COP1: variants seen among roughly 807,000 people sequenced by gnomAD.
COP1 encodes the protein E3 ubiquitin-protein ligase COP1.
In COP1, 24 loss-of-function variants were observed where a neutral mutation model predicts 101.3. The observed-to-expected ratio is 0.24, with a 90% CI of 0.17 to 0.33. COP1 has a LOEUF of 0.33. COP1 is among the 10% of genes least tolerant of loss of function. COP1 has a pLI of 1.00. For synonymous variants in COP1, 347 were observed against 341.9 expected (o/e 1.01, Z -0.17); for missense variants, 663 against 906.2 (o/e 0.73, Z 3.45).
At chr1:176,017,871 T>C (rs2148997486) in intron 15 of COP1, among the ~76,000 whole-genome samples, 1 of 152,290 alleles carries the variant, frequency 6.6e-6, no homozygotes, top group South Asian at 2.1e-4. Flanking sequence ...TTTACTTCCT[T>C]TAAGCCTTTG....
intron 18 of COP1, among the ~76,000 whole-genome samples, chr1:175,960,760 G>A (rs146985122): frequency 4.3e-4 from 65 of 152,246 alleles, no homozygotes; most frequent in Non-Finnish European, 7.2e-4. Context: ...CAGAGGCTTC[G>A]CCAGAAAGCT....
At chr1:176,174,250 A>G (rs1455765422) in intron 3 of COP1, among the ~76,000 whole-genome samples, 1 of 152,128 alleles carries the variant, frequency 6.6e-6, no homozygotes, top group Admixed American at 6.5e-5. Flanking sequence ...AGTTATGACT[A>G]CAGAAAAAGC....
intron 18 of COP1, among the ~76,000 whole-genome samples, chr1:175,978,518 C>T (rs1278274456): frequency 6.6e-6 from 1 of 152,112 alleles, no homozygotes; most frequent in East Asian, 1.9e-4. Flanking sequence ...TTTCTACCAC[C>T]TTCTTATTTC....
At chr1:176,186,394 C>T (rs1698445578) in intron 1 of COP1, among the ~76,000 whole-genome samples, 1 of 151,566 alleles carries the variant, frequency 6.6e-6, no homozygotes, top group South Asian at 2.1e-4. Flanking sequence ...TAGGGGCACA[C>T]ACCTGCAGCC....
intron 15 of COP1, among the ~76,000 whole-genome samples, chr1:176,006,197 C>T (rs1020140279): frequency 9.9e-5 from 15 of 151,860 alleles, no homozygotes; most frequent in Non-Finnish European, 1.9e-4. Flanking sequence ...TTTCCATTTG[C>T]TTGGTAGATC....
At chr1:176,058,070 G>A (rs1673995395) in intron 11 of COP1, among the ~76,000 whole-genome samples, 1 of 147,196 alleles carries the variant, frequency 6.8e-6, no homozygotes, top group Non-Finnish European at 1.5e-5. Context: ...AGCCGCCCCG[G>A]CCGGGAGGGA....
chr1:175,994,162 A>G (rs1447861406), intron 15 of COP1, among the ~76,000 whole-genome samples: 5 of 152,226 alleles, frequency 3.3e-5, no homozygotes, highest in African/African-American at 1.2e-4. Flanking sequence ...TAAGTGAAGG[A>G]GAAATAAAAT....
At chr1:175,959,845 C>T (rs1047560993) in intron 18 of COP1, among the ~76,000 whole-genome samples, 1 of 152,078 alleles carries the variant, frequency 6.6e-6, no homozygotes, top group Non-Finnish European at 1.5e-5. Context: ...TTAATGTAAA[C>T]CTGAATTGTA....
chr1:176,032,427 GC>G (rs1196781478), intron 14 of COP1, among the ~76,000 whole-genome samples: 1 of 152,208 alleles, frequency 6.6e-6, no homozygotes, highest in African/African-American at 2.4e-5. Flanking sequence ...TTGTCATACA[GC>G]AAACTGCCCT....
chr1:176,017,262 G>A (rs984926234), intron 15 of COP1: 4 of 152,082 alleles, frequency 2.6e-5, no homozygotes, highest in African/African-American at 7.2e-5. Context: ...AGACATAAAG[G>A]AAGACTCATA....
chr1:176,150,665 G>A (rs1692276317), intron 5 of COP1, among the ~76,000 whole-genome samples: 1 of 152,178 alleles, frequency 6.6e-6, no homozygotes, highest in South Asian at 2.1e-4. Context: ...TAAAGTGACA[G>A]TTCATTTACA....
intron 15 of COP1, among the ~76,000 whole-genome samples, chr1:176,002,219 G>T (rs1172094566): frequency 6.6e-6 from 1 of 151,858 alleles, no homozygotes; most frequent in Non-Finnish European, 1.5e-5. Flanking sequence ...ACAAATGTTG[G>T]CATGCTTGAT....
intron 15 of COP1, among the ~76,000 whole-genome samples, chr1:176,021,584 A>T (rs1232652199): frequency 6.6e-6 from 1 of 152,208 alleles, no homozygotes; most frequent in Admixed American, 6.5e-5. Context: ...AAATAACTTT[A>T]AAAAACCATG....
chr1:176,062,156 AC>A (rs1257489844), intron 11 of COP1, among the ~76,000 whole-genome samples: 2 of 152,022 alleles, frequency 1.3e-5, no homozygotes, highest in African/African-American at 4.8e-5. Flanking sequence ...GCCCGCCAGC[AC>A]GCCTGGATAA....
At chr1:176,081,061 G>T in intron 11 of COP1, 91 bp downstream of exon 11, 2 of 1,165,708 alleles carry the variant, frequency 1.7e-6, no homozygotes, top group African/African-American at 1.6e-5. Flanking sequence ...CAGAACCCAC[G>T]CTTTTAATAA....
chr1:176,055,523 G>C (rs1673319342), intron 11 of COP1, among the ~76,000 whole-genome samples: 1 of 152,142 alleles, frequency 6.6e-6, no homozygotes, highest in East Asian at 1.9e-4. Context: ...GGATTTCTTT[G>C]GTGATCTCAT....
intron 2 of COP1, among the ~76,000 whole-genome samples, chr1:176,182,505 G>T (rs1219767642): frequency 6.6e-6 from 1 of 152,222 alleles, no homozygotes; most frequent in East Asian, 1.9e-4. Flanking sequence ...TAGGGGTCAA[G>T]TATACTGCTA....
At chr1:176,194,836 G>A (rs1699485030) in intron 1 of COP1, among the ~76,000 whole-genome samples, 1 of 151,940 alleles carries the variant, frequency 6.6e-6, no homozygotes, top group Non-Finnish European at 1.5e-5. Flanking sequence ...AGCACTATGG[G>A]AGCCCAAGGC....
intron 8 of COP1, among the ~76,000 whole-genome samples, chr1:176,131,705 A>G (rs1688924014): frequency 6.6e-6 from 1 of 151,794 alleles, no homozygotes; most frequent in South Asian, 2.1e-4. Context: ...TCAAATATGA[A>G]TAGTATTATA....
Sources: allele counts gnomAD v4.1 joint callset (sites outside exome capture counted in the v4.1 genomes callset), GRCh38; gene constraint gnomAD v4.1.1; transcripts MANE v1.5; gene names NCBI Gene and HGNC (gene_info 2026-07-23, HGNC 2026-07-21).